Variants in NOM1 observed in about 807,000 individuals in gnomAD.
The protein encoded by NOM1 is nucleolar MIF4G domain-containing protein 1.
A neutral mutation model predicts 73.3 loss-of-function variants in NOM1; 58 were observed. The ratio of observed to expected loss-of-function variants is 0.79; its 90% CI spans 0.64 to 0.99. NOM1 has a LOEUF of 0.99. NOM1 is among the 50% of genes least tolerant of loss of function. NOM1 has a pLI of 0.00. For synonymous variants in NOM1, 487 were observed against 446.8 expected (o/e 1.09, Z -1.14); for missense variants, 1,226 against 1,131.9 (o/e 1.08, Z -1.19).
At chr7:156,958,315 G>A (rs1285216956) in intron 3 of NOM1, among the ~76,000 whole-genome samples, 1 of 152,178 alleles carries the variant, frequency 6.6e-6, no homozygotes, top group Non-Finnish European at 1.5e-5. Context: ...CAGAAACCTG[G>A]GAGTCACAGA....
In NOM1 at chr7:156,950,696, C is replaced by A; in HGVS notation, c.959C>A (p.Ser320Tyr). 6.4e-7 allele frequency: 1 copy of A among 1,551,600 alleles called. No homozygotes were observed. The highest frequency in any genetic ancestry group is 8.7e-7 in the Non-Finnish European group (1 of 1,146,960). Residue 320 changes from serine to tyrosine, a missense_variant, in exon 1 of 11, where the codon TCC becomes TAC. Ser to Tyr is a moderately radical substitution (Grantham distance 144). Transcript: ENST00000275820. ...FAEDEEKSEN[S>Y]SEDGDITDKS... Reference sequence around the variant, plus strand: ...GAAGATGAAGAAAAGAGTGAAAATTCCTCGGAGGACGGTGACATAACGGAT... The same window carrying A: ...GAAGATGAAGAAAAGAGTGAAAATTACTCGGAGGACGGTGACATAACGGAT...
In NOM1 at chr7:156,969,723, A is replaced by G; in HGVS notation, c.*20A>G. On this transcript the variant is annotated 3_prime_UTR_variant, in exon 11 of 11. Coordinates refer to ENST00000275820, the MANE Select transcript of NOM1 (RefSeq NM_138400.2). The stretch of plus-strand genomic sequence containing the variant: ...ATGTAGTCAGGGAAGGAAGGAGGGC[A>G]GGTGGCCCTTTGACTGTAAAATGTC... 1.3e-6 allele frequency: 2 copies of G among 1,591,720 alleles called. No homozygotes were observed. The highest frequency in any genetic ancestry group is 2.2e-5 in the South Asian group (2 of 90,052).
chr7:156,956,192 C>A (rs867097962), intron 3 of NOM1, among the ~76,000 whole-genome samples: 126 of 139,462 alleles, frequency 9.0e-4, no homozygotes, highest in Middle Eastern at 3.6e-3. Flanking sequence ...GACTCAGTCT[C>A]AAAAAAAAAA....
In NOM1 at chr7:156,963,944, A is replaced by G; in HGVS notation, c.1951A>G (p.Met651Val). 1.2e-6 allele frequency: 2 copies of G among 1,614,190 alleles called. No homozygotes were observed. The highest frequency in any genetic ancestry group is 1.1e-5 in the South Asian group (1 of 91,078). ...CCTAGAACTCGCCCGGAAGCAGAGGATGAACACAGACATCCGGAGAAACAT... is the reference window on the plus strand; with the variant it reads ...CCTAGAACTCGCCCGGAAGCAGAGGGTGAACACAGACATCCGGAGAAACAT... ...KILELARKQR[M>V]NTDIRRNIFC... Residue 651 changes from methionine to valine, a missense_variant, in exon 7 of 11, where the codon ATG becomes GTG. Physicochemically the swap from Met to Val is conservative, Grantham distance 21 (BLOSUM62 1). Transcript: ENST00000275820.
chr7:156,957,849 C>T (rs928125998), intron 3 of NOM1, among the ~76,000 whole-genome samples: 2 of 144,236 alleles, frequency 1.4e-5, no homozygotes, highest in African/African-American at 4.9e-5. Flanking sequence ...TTTTTATTGA[C>T]GTCTGCAGAA....
chr7:156,954,134 G>A lies in NOM1; in HGVS notation c.1144G>A (p.Gly382Arg), dbSNP rs1185837341. Residue 382 changes from glycine to arginine, a missense_variant, in exon 3 of 11, where the codon GGG (glycine) becomes AGG (arginine). Transcript: ENST00000275820. ...LSEPNMASIS[G>R]QLEELYMAHS... ...TGAACCCAACATGGCTTCCATCAGTGGGCAGCTGGAGGAACTGTACATGGC... is the reference window on the plus strand; with the variant it reads ...TGAACCCAACATGGCTTCCATCAGTAGGCAGCTGGAGGAACTGTACATGGC... The A allele has an allele frequency of 1.2e-6, 2 of 1,611,812 alleles. No individual in the cohort carries two copies. The highest frequency in any genetic ancestry group is 2.7e-5 in the African/African-American group (2 of 74,766).
intron 3 of NOM1, among the ~76,000 whole-genome samples, chr7:156,959,137 C>G (rs1049679836): frequency 1.3e-5 from 2 of 149,490 alleles, no homozygotes; most frequent in Non-Finnish European, 3.0e-5. Context: ...GAGTCTTGCT[C>G]TGTCGCCCAG....
At chr7:156,952,440 A>G in intron 1 of NOM1, 34 bp from the exon 2 acceptor site, 1 of 1,595,884 alleles carries the variant, frequency 6.3e-7, no homozygotes, top group Non-Finnish European at 8.5e-7. Context: ...TGGTCAGTGT[A>G]AATTTTTTGT....
Position 156,962,002 on chromosome 7 carries a change from T to C in NOM1, c.1633-149T>C, listed in dbSNP as rs73506026. 3,155 of 669,308 alleles carry C rather than the reference T, an allele frequency of 4.7e-3. 79 individuals are homozygous for C. The African/African-American group carries it at 0.05, about 11-fold the overall frequency. 41.5% of individuals were successfully genotyped at this position (669,308 alleles called of 1,614,324 possible). On this transcript the variant is annotated intron_variant, in intron 4 of 10. Coordinates refer to ENST00000275820, the MANE Select transcript of NOM1 (RefSeq NM_138400.2). ...CCTGAGTAAGCGGCTGAGACTAGTT[T>C]AGACTGTCTCTACCTAAAGGCTGTC...
intron 3 of NOM1, among the ~76,000 whole-genome samples, chr7:156,957,716 A>T (rs185637212): frequency 8.7e-6 from 1 of 114,662 alleles, no homozygotes; most frequent in African/African-American, 3.3e-5. Context: ...CGGAGCTTGC[A>T]GTGAGCCGAG....
In NOM1 at chr7:156,954,092, A is replaced by G. The variant is rs1358517006; in HGVS notation, c.1113-11A>G. Reference sequence around the variant, plus strand: ...AACATTGTTGCTCTCTGTCTTTACAATTCTCTGCAGGTTGAGTGAACCCAA... The same window carrying G: ...AACATTGTTGCTCTCTGTCTTTACAGTTCTCTGCAGGTTGAGTGAACCCAA... On this transcript the variant is annotated splice_polypyrimidine_tract_variant and intron_variant, in intron 2 of 10. Coordinates refer to ENST00000275820, the MANE Select transcript of NOM1 (RefSeq NM_138400.2). 2 of 1,598,570 alleles carry G rather than the reference A, an allele frequency of 1.3e-6. No individual in the cohort carries two copies. The highest frequency in any genetic ancestry group is 2.2e-5 in the East Asian group (1 of 44,578).
rs765723800 is a variant in NOM1 at position 156,949,925 on chromosome 7, G to A, written c.188G>A (p.Gly63Glu). 12 of 1,542,124 alleles carry A rather than the reference G, an allele frequency of 7.8e-6. No homozygotes were observed. The highest frequency in any genetic ancestry group is 5.2e-6 in the Non-Finnish European group (6 of 1,145,692). ...VHATSEGEAP[G>E]GCEGRGAPVS... Reference sequence around the variant, plus strand: ...GCGACTTCGGAAGGCGAGGCTCCCGGGGGTTGCGAGGGGCGCGGCGCCCCG... The same window carrying A: ...GCGACTTCGGAAGGCGAGGCTCCCGAGGGTTGCGAGGGGCGCGGCGCCCCG... Residue 63 changes from glycine to glutamate, a missense_variant, in exon 1 of 11, where the codon GGG (glycine) becomes GAG (glutamate). Physicochemically the swap from Gly to Glu is moderately conservative, Grantham distance 98. Transcript: ENST00000275820.
chr7:156,964,070 T>TA (rs757643395), intron 7 of NOM1, 44 bp downstream of exon 7: 4 of 1,588,038 alleles, frequency 2.5e-6, no homozygotes, highest in Admixed American at 1.7e-5. Context: ...TGAGATGCTG[T>TA]AAAATAAGTA....
rs574216573 is a variant in NOM1 at position 156,960,109 on chromosome 7, G to C, written c.1567G>C (p.Glu523Gln). The C allele has an allele frequency of 9.9e-6, 16 of 1,614,156 alleles. No homozygotes were observed. The highest frequency in any genetic ancestry group is 5.0e-5 in the Admixed American group (3 of 60,020). Residue 523 changes from glutamate (E) to glutamine (Q), a missense_variant, in exon 4 of 11, where the codon GAA (glutamate) becomes CAA (glutamine). Transcript: ENST00000275820. Reference sequence around the variant, plus strand: ...GAAAGATGATGCTTTATCACTTAAGGAATTGATCACTGAAGCCCAGACCAA... The same window carrying C: ...GAAAGATGATGCTTTATCACTTAAGCAATTGATCACTGAAGCCCAGACCAA... Reference protein sequence around the residue: ...LRKDDALSLKELITEAQTKAS... With the variant: ...LRKDDALSLKQLITEAQTKAS...
At chr7:156,968,819 A>G (rs1192761073) in intron 9 of NOM1, 5 of 343,416 alleles carry the variant, frequency 1.5e-5, no homozygotes, top group African/African-American at 2.2e-5. Flanking sequence ...CATAAGGTGT[A>G]TGACCCGGGA....
At chr7:156,955,586 T>A (rs1804701442) in intron 3 of NOM1, among the ~76,000 whole-genome samples, 1 of 152,198 alleles carries the variant, frequency 6.6e-6, no homozygotes, top group African/African-American at 2.4e-5. Context: ...AATTACCTGG[T>A]GTACGTTTAT....
rs1021618194 is a variant in NOM1, at chr7:156,969,319, T to C, written c.2408+123T>C. On this transcript the variant is annotated intron_variant, in intron 10 of 10. Transcript: ENST00000275820. Reference sequence around the variant, plus strand: ...AGCTTAATCTTTTCGGTTTTATTTTTAAGCTGGTATGCATTAGATCTGGGG... The same window carrying C: ...AGCTTAATCTTTTCGGTTTTATTTTCAAGCTGGTATGCATTAGATCTGGGG... 15 of 737,834 alleles carry C rather than the reference T, an allele frequency of 2.0e-5. No homozygotes were observed. The African/African-American group carries it at 2.5e-4, about 12-fold the overall frequency. 45.7% of individuals were successfully genotyped at this position (737,834 alleles called of 1,614,324 possible).
intron 1 of NOM1, among the ~76,000 whole-genome samples, chr7:156,951,006 C>T (rs1439121705): frequency 2.0e-5 from 3 of 152,218 alleles, no homozygotes; most frequent in African/African-American, 7.2e-5. Flanking sequence ...CAGCCCAGGT[C>T]TCTAAACCTG....
chr7:156,952,444 T>G, intron 1 of NOM1, 30 bp from the exon 2 acceptor site: 1 of 1,595,674 alleles, frequency 6.3e-7, no homozygotes, highest in Non-Finnish European at 8.5e-7. Context: ...CAGTGTAAAT[T>G]TTTTGTAATT....
Sources: gnomAD v4.1 joint callset for allele counts (sites outside exome capture counted in the v4.1 genomes callset) on GRCh38, gnomAD v4.1.1 for gene constraint, MANE v1.5 for transcripts, NCBI Gene and HGNC (gene_info 2026-07-23, HGNC 2026-07-21) for gene names.